Variants in NRXN1 observed in about 807,000 individuals in gnomAD.
The protein encoded by NRXN1 is neurexin 1.
In NRXN1, 39 loss-of-function variants were observed where a neutral mutation model predicts 150.9. That is an observed-to-expected ratio of 0.26 (90% CI 0.20 to 0.34). NRXN1 has a LOEUF of 0.34. NRXN1 is among the 10% of genes least tolerant of loss of function. The pLI, the probability that NRXN1 is intolerant of heterozygous loss-of-function variation, is 1.00. For missense variants in NRXN1, 1,815 were observed against 1,949.9 expected (o/e 0.93, Z 1.30); for synonymous variants, 924 against 757.0 (o/e 1.22, Z -3.62).
At chr2:49,964,009 C>G (rs574299750) in intron 21 of NRXN1, among the ~76,000 whole-genome samples, 1 of 152,296 alleles carries the variant, frequency 6.6e-6, no homozygotes, top group African/African-American at 2.4e-5. Context: ...CACAACACCT[C>G]ACCCTGCTCT....
chr2:50,235,322 A>G (rs1246443055), intron 18 of NRXN1, among the ~76,000 whole-genome samples: 1 of 152,056 alleles, frequency 6.6e-6, no homozygotes, highest in Middle Eastern at 3.2e-3. Context: ...CTTAATTTTG[A>G]TTGTTAGAAA....
chr2:50,229,961 G>T (rs1180731321), intron 18 of NRXN1, among the ~76,000 whole-genome samples: 1 of 152,022 alleles, frequency 6.6e-6, no homozygotes, highest in Non-Finnish European at 1.5e-5. Flanking sequence ...CTTAAGAATA[G>T]ATTTGAAGCC....
intron 5 of NRXN1, among the ~76,000 whole-genome samples, chr2:50,771,756 G>A (rs1279144433): frequency 6.6e-6 from 1 of 152,084 alleles, no homozygotes; most frequent in Non-Finnish European, 1.5e-5. Flanking sequence ...TGCTACTGGT[G>A]AAATAGATAG....
At chr2:50,629,001 G>A (rs1681727314) in intron 5 of NRXN1, among the ~76,000 whole-genome samples, 1 of 151,674 alleles carries the variant, frequency 6.6e-6, no homozygotes, top group Non-Finnish European at 1.5e-5. Context: ...TGTCAGTGAG[G>A]ATGTGGGGCA....
At chr2:50,021,185 A>C (rs72889530) in intron 21 of NRXN1, among the ~76,000 whole-genome samples, 5,112 of 152,308 alleles carry the variant, frequency 0.034, 285 homozygotes, top group African/African-American at 0.12. Flanking sequence ...TTAGGTCATA[A>C]TACTGCACAA....
At chr2:50,149,585 T>C (rs915001232) in intron 18 of NRXN1, among the ~76,000 whole-genome samples, 2 of 151,854 alleles carry the variant, frequency 1.3e-5, no homozygotes, top group Admixed American at 1.3e-4. Flanking sequence ...CCATAGCACC[T>C]TGTATATACC....
chr2:50,310,211 T>C (rs1055598667), intron 17 of NRXN1, among the ~76,000 whole-genome samples: 7 of 152,226 alleles, frequency 4.6e-5, no homozygotes, highest in African/African-American at 1.4e-4. Context: ...TTGATCAAAA[T>C]TGTTATTGCT....
At chr2:50,053,135 T>A in intron 21 of NRXN1, 136 bp downstream of exon 21, 3 of 824,446 alleles carry the variant, frequency 3.6e-6, no homozygotes, top group Non-Finnish European at 6.2e-6. Flanking sequence ...ATGCATTATG[T>A]TAAGCTAGTT....
At chr2:50,425,558 C>G (rs557460669) in intron 17 of NRXN1, among the ~76,000 whole-genome samples, 2 of 152,220 alleles carry the variant, frequency 1.3e-5, no homozygotes, top group East Asian at 1.9e-4. Context: ...GTATTAAAGG[C>G]CAACATGAGC....
At chr2:50,941,759 G>C (rs1272409528) in intron 2 of NRXN1, among the ~76,000 whole-genome samples, 1 of 152,104 alleles carries the variant, frequency 6.6e-6, no homozygotes, top group African/African-American at 2.4e-5. Context: ...ATGTTTAAAA[G>C]GGAAACAGAG....
Position 50,841,349 on chromosome 2 carries a change from C to T in NRXN1, c.832+80520G>A, listed in dbSNP as rs530375736. 6.6e-5 allele frequency among the ~76,000 whole-genome samples: 10 copies of T among 152,272 alleles called. No homozygotes were observed. The East Asian group carries it at 1.9e-3, about 29-fold the overall frequency. ...GATTTTCCTATATCCATTTATTAGT[C>T]AGCTACTTGCAGAAGTCAAAGTAAT... is the stretch of plus-strand genomic sequence containing the variant. On this transcript the variant is annotated intron_variant, in intron 5 of 22. Coordinates refer to ENST00000401669, the MANE Select transcript of NRXN1 (RefSeq NM_001330078.2).
Position 50,997,565 on chromosome 2 carries a change from T to C in NRXN1, c.772+29937A>G, listed in dbSNP as rs1039226075. Among the ~76,000 whole-genome samples, 6 of 141,242 alleles carry C rather than the reference T, an allele frequency of 4.2e-5. 1 individual carries two copies. The highest frequency in any genetic ancestry group is 1.8e-4 in the African/African-American group (6 of 33,474). 92.7% of individuals were successfully genotyped at this position (141,242 alleles called of 152,430 possible). On this transcript the variant is annotated intron_variant, in intron 2 of 22. Transcript: ENST00000401669. ...CTCTGTGCCCTAGGCTGGAGTGCAG[T>C]GGCATGATCATACAGCATGGTAATC...
At chr2:50,199,377 T>C (rs1219601603) in intron 18 of NRXN1, 1 of 152,094 alleles carries the variant, frequency 6.6e-6, no homozygotes, top group African/African-American at 2.4e-5. Flanking sequence ...CAGAGAAATA[T>C]ACTGTTTTTG....
Position 50,271,536 on chromosome 2 carries a change from C to T in NRXN1, c.3365-34566G>A, listed in dbSNP as rs140058083. Reference sequence around the variant, plus strand: ...TGAAAATGGTGCTTTCTGTCTAAACCATCAAGGTGTTAAAACATATTAGGA... The same window carrying T: ...TGAAAATGGTGCTTTCTGTCTAAACTATCAAGGTGTTAAAACATATTAGGA... On this transcript the variant is annotated intron_variant, in intron 17 of 22. Coordinates refer to ENST00000401669, the MANE Select transcript of NRXN1 (RefSeq NM_001330078.2). 5.0e-4 allele frequency among the ~76,000 whole-genome samples: 76 copies of T among 152,142 alleles called. 1 individual carries two copies. The highest frequency in any genetic ancestry group is 1.8e-3 in the African/African-American group (74 of 41,510).
chr2:50,967,052 T>C (rs1694220570), intron 2 of NRXN1, among the ~76,000 whole-genome samples: 1 of 151,944 alleles, frequency 6.6e-6, no homozygotes, highest in African/African-American at 2.4e-5. Context: ...TTCTCCAATT[T>C]ATCATTTTAA....
At chr2:50,923,157 TGAA>T (rs1259506722) in intron 3 of NRXN1, among the ~76,000 whole-genome samples, 3 of 151,578 alleles carry the variant, frequency 2.0e-5, no homozygotes, top group African/African-American at 7.3e-5. Flanking sequence ...TATAATTAAA[TGAA>T]GAAAAAAAAA....
At chr2:50,564,713 C>T (rs1293037579) in intron 8 of NRXN1, among the ~76,000 whole-genome samples, 1 of 152,064 alleles carries the variant, frequency 6.6e-6, no homozygotes, top group Non-Finnish European at 1.5e-5. Context: ...TCATTTCTAA[C>T]TAAAAGGGCC....
intron 17 of NRXN1, among the ~76,000 whole-genome samples, chr2:50,315,097 T>G (rs1021276710): frequency 1.3e-5 from 2 of 152,112 alleles, no homozygotes; most frequent in African/African-American, 2.4e-5. Flanking sequence ...GGTTCTTTTT[T>G]TAAAAGCCAT....
intron 17 of NRXN1, among the ~76,000 whole-genome samples, chr2:50,248,466 T>A (rs1478536018): frequency 6.6e-6 from 1 of 152,198 alleles, no homozygotes. Context: ...ATTTAACTTT[T>A]GTTCTACCTA....
Sources: allele counts gnomAD v4.1 joint callset (sites outside exome capture counted in the v4.1 genomes callset), GRCh38; gene constraint gnomAD v4.1.1; transcripts MANE v1.5; gene names NCBI Gene and HGNC (gene_info 2026-07-23, HGNC 2026-07-21).